Variants in ZPR1 observed in about 807,000 individuals in gnomAD.
ZPR1 encodes the protein ZPR1 zinc finger, also known as zinc finger protein ZPR1.
ZPR1 carries 37 observed loss-of-function variants against 59.6 expected under a neutral mutation model. The observed-to-expected ratio is 0.62, with a 90% confidence interval of 0.48 to 0.82. The LOEUF (loss-of-function observed/expected upper bound fraction) is 0.82. Among genes scored for constraint, ZPR1 ranks in the 40% least tolerant of loss-of-function variants. The pLI, the probability that ZPR1 is intolerant of heterozygous loss-of-function variation, is 0.00. For synonymous variants in ZPR1, 191 were observed against 215.2 expected (o/e 0.89, Z 0.99); for missense variants, 527 against 579.9 (o/e 0.91, Z 0.94).
chr11:116,784,916 G>T lies in ZPR1; in HGVS notation c.759C>A (p.Leu253=), dbSNP rs776392832. ...ATTCTGGGCAGTTTGTGCTGAACTG[G>T]AGCACCTGGAACACAACATGAGGAC... ...PEEEDLRNEV[L]QFSTNCPECN... Residue 253 remains leucine (L), a synonymous_variant, in exon 8 of 14, where the codon CTC becomes CTA. Transcript: ENST00000227322. 1.2e-6 allele frequency: 2 copies of T among 1,614,172 alleles called. No homozygotes were observed. The highest frequency in any genetic ancestry group is 1.7e-6 in the Non-Finnish European group (2 of 1,180,028).
intron 13 of ZPR1, 125 bp from the exon 14 acceptor site, chr11:116,779,184 A>G: frequency 7.4e-7 from 1 of 1,344,264 alleles, no homozygotes; most frequent in Non-Finnish European, 1.0e-6. Flanking sequence ...TTGGCCTCCA[A>G]TTTCCCATGG....
At chr11:116,784,501 G>T in intron 8 of ZPR1, 53 bp from the exon 9 acceptor site, 1 of 1,553,926 alleles carries the variant, frequency 6.4e-7, no homozygotes, top group Non-Finnish European at 8.9e-7. Context: ...ACCACCATCT[G>T]GGGAAAAACA....
intron 12 of ZPR1, 38 bp from the exon 13 acceptor site, chr11:116,779,875 T>C: frequency 1.0e-6 from 1 of 1,004,922 alleles, no homozygotes; most frequent in Non-Finnish European, 1.4e-6. Flanking sequence ...AAATTTTACA[T>C]AACCCCTGGT....
At position 116,787,661 on chromosome 11, in the gene ZPR1, A is replaced by T; in HGVS notation, c.172-18T>A. On this transcript the variant is annotated intron_variant, in intron 1 of 13. Transcript: ENST00000227322. The stretch of plus-strand genomic sequence containing the variant: ...GTCATGCCCTGGTGAAGTAGAAAGT[A>T]GCTAAGGAAAAAAATCAATGAAACT... The T allele has an allele frequency of 1.9e-6, 3 of 1,601,030 alleles. No homozygotes were observed. The highest frequency in any genetic ancestry group is 2.6e-6 in the Non-Finnish European group (3 of 1,169,778).
At chr11:116,785,010 A>C in intron 7 of ZPR1, 89 bp from the exon 8 acceptor site, 1 of 1,605,998 alleles carries the variant, frequency 6.2e-7, no homozygotes, top group Non-Finnish European at 8.5e-7. Context: ...GTGGTCATCT[A>C]TGTTGGTGAC....
At chr11:116,784,286 GC>G in intron 9 of ZPR1, 91 bp downstream of exon 9, 1 of 1,338,242 alleles carries the variant, frequency 7.5e-7, no homozygotes, top group Non-Finnish European at 1.1e-6. Flanking sequence ...TACACCCCCT[GC>G]CCCCGAGTAC....
At position 116,777,294 on chromosome 11, in the gene ZPR1, G is replaced by A. The variant is rs376455257; in HGVS notation, c.*1631C>T. 10 of 152,364 alleles carry A rather than the reference G, an allele frequency of 6.6e-5. No homozygotes were observed. In the East Asian group the frequency reaches 1.9e-3, roughly 29 times the overall value. 9.4% of individuals were successfully genotyped at this position (152,364 alleles called of 1,614,324 possible). ...AAGTGGAAAATCACTTGTGACCTTTGAGAGTAGTTTAACAGAGCAACGAGA... is the reference window on the plus strand; with the variant it reads ...AAGTGGAAAATCACTTGTGACCTTTAAGAGTAGTTTAACAGAGCAACGAGA... On this transcript the variant is annotated 3_prime_UTR_variant, in exon 14 of 14. Coordinates refer to ENST00000227322, the MANE Select transcript of ZPR1 (RefSeq NM_003904.5).
rs1565321653 is a variant in ZPR1, at chr11:116,784,402, C to T, written c.867G>A (p.Glu289=). The change falls in exon 9 of 14, where the codon GAG becomes GAA. Residue 289 remains glutamate (E), a synonymous_variant. Coordinates refer to ENST00000227322, the MANE Select transcript of ZPR1 (RefSeq NM_003904.5). ...KEVIIMATNC[E]NCGHRTNEVK... ...CCTCATTGGTCCGATGCCCACAGTTCTCGCAGTTGGTAGCCATGATGATAA... is the reference window on the plus strand; with the variant it reads ...CCTCATTGGTCCGATGCCCACAGTTTTCGCAGTTGGTAGCCATGATGATAA... 15 of 1,614,174 alleles carry T rather than the reference C, an allele frequency of 9.3e-6. No individual in the cohort carries two copies. The highest frequency in any genetic ancestry group is 1.3e-5 in the Non-Finnish European group (15 of 1,180,034).
Position 116,775,627 on chromosome 11 carries a change from CAAAAAAAAAAAAAAAA to C in ZPR1, c.*3282_*3297del, listed in dbSNP as rs36148817. The C allele has an allele frequency of 1.3e-4, 10 of 74,632 alleles. No individual in the cohort carries two copies. The East Asian group carries it at 2.9e-3, about 22-fold the overall frequency. The allele number at this position is 74,632 out of a possible 1,614,324, so 4.6% of individuals were successfully genotyped here. ...TGGGCAACAGAGTGAGACTCCGTCTCAAAAAAAAAAAAAAAAAAAAAAAAAAAAAAAAAAAGCTCTG... is the reference window on the plus strand; with the variant it reads ...TGGGCAACAGAGTGAGACTCCGTCTCAAAAAAAAAAAAAAAAAAAGCTCTG... On this transcript the variant is annotated 3_prime_UTR_variant, in exon 14 of 14. Coordinates refer to ENST00000227322, the MANE Select transcript of ZPR1 (RefSeq NM_003904.5).
chr11:116,783,282 G>A (rs971744111), intron 10 of ZPR1, among the ~76,000 whole-genome samples: 2 of 152,210 alleles, frequency 1.3e-5, no homozygotes, highest in Admixed American at 6.5e-5. Context: ...GACAGACAGA[G>A]AAGAGGACCC....
Position 116,783,524 on chromosome 11 carries a change from T to A in ZPR1, c.981+6A>T. ...ACAACAGTGACTTTCCCAAGCAGAC[T>A]GTTACCTTGAGGAGGTCTCTGGTCA... On this transcript the variant is annotated splice_donor_region_variant and intron_variant, in intron 10 of 13. Transcript: ENST00000227322. The A allele has an allele frequency of 6.2e-7, 1 of 1,612,226 alleles. No individual in the cohort carries two copies. The highest frequency in any genetic ancestry group is 8.5e-7 in the Non-Finnish European group (1 of 1,178,212).
rs766096636 is a variant in ZPR1, at chr11:116,786,551, C to T, written c.455G>A (p.Arg152His). The T allele has an allele frequency of 1.2e-5, 19 of 1,614,044 alleles. No homozygotes were observed. Among genetic ancestry groups the T allele is most frequent in the Admixed American group, 1.0e-4 (6 of 60,008 alleles). The change falls in exon 4 of 14, where the codon CGT (arginine) becomes CAT (histidine). Residue 152 changes from arginine (R) to histidine (H), a missense_variant. By Grantham distance (29) the Arg-to-His change is conservative. Coordinates refer to ENST00000227322, the MANE Select transcript of ZPR1 (RefSeq NM_003904.5). ...GTCCTGCTCCAGGCCAGAGATAGCA[C>T]GGGTGATCAATCCTTCAACAGTGGT... is the stretch of plus-strand genomic sequence containing the variant. Reference protein sequence around the residue: ...ALTTVEGLITRAISGLEQDQP... With the variant: ...ALTTVEGLITHAISGLEQDQP...
rs1470351255 is a variant in ZPR1 at position 116,781,222 on chromosome 11, A to C, written c.1179+936T>G. Among the ~76,000 whole-genome samples, 52 of 152,262 alleles carry C rather than the reference A, an allele frequency of 3.4e-4. 1 individual carries two copies. Among genetic ancestry groups the C allele is most frequent in the Non-Finnish European group, 1.5e-5 (1 of 68,026 alleles). ...GTTTTCAGAAAGAACAGAAAAAAAA[A>C]ATCAGAAAAAAGATAATCTTCAATA... On this transcript the variant is annotated intron_variant, in intron 12 of 13. Transcript: ENST00000227322.
intron 7 of ZPR1, 40 bp from the exon 8 acceptor site, chr11:116,784,961 AT>A: frequency 6.2e-7 from 1 of 1,612,636 alleles, no homozygotes; most frequent in Non-Finnish European, 8.5e-7. Context: ...GCCCTCCCAG[AT>A]GGGATGTTCA....
Position 116,777,849 on chromosome 11 carries a change from CAG to C in ZPR1, c.*1074_*1075del, listed in dbSNP as rs914086301. ...GCTGGGAAGTCCAGGGCCCAAGCAG[CAG>C]AGTGTTCACTGGTCCTTAACTTTCA... On this transcript the variant is annotated 3_prime_UTR_variant, in exon 14 of 14. Coordinates refer to ENST00000227322, the MANE Select transcript of ZPR1 (RefSeq NM_003904.5). 2 of 152,196 alleles carry C rather than the reference CAG, an allele frequency of 1.3e-5. No homozygotes were observed. The highest frequency in any genetic ancestry group is 4.8e-5 in the African/African-American group (2 of 41,444). 9.4% of individuals were successfully genotyped at this position (152,196 alleles called of 1,614,324 possible).
At chr11:116,784,352 C>T (rs1430393786) in intron 9 of ZPR1, 26 bp downstream of exon 9, 1 of 1,612,724 alleles carries the variant, frequency 6.2e-7, no homozygotes, top group East Asian at 2.2e-5. Flanking sequence ...AGCTAGTCTT[C>T]TTCCCAAATA....
Position 116,779,822 on chromosome 11 carries a change from T to A in ZPR1, c.1195A>T (p.Met399Leu), listed in dbSNP as rs973483931. 1.3e-6 allele frequency: 2 copies of A among 1,599,024 alleles called. No homozygotes were observed. The highest frequency in any genetic ancestry group is 1.7e-6 in the Non-Finnish European group (2 of 1,172,710). ...TCATCCATAATAAAGTGGGCCTTCATGTTACCTTCGATGATCTAAAGGAGA... is the reference window on the plus strand; with the variant it reads ...TCATCCATAATAAAGTGGGCCTTCAAGTTACCTTCGATGATCTAAAGGAGA... ...QKMDQIIEGN[M>L]KAHFIMDDPA... is the part of the protein sequence containing the mutation. Residue 399 changes from methionine to leucine, a missense_variant, in exon 13 of 14, where the codon ATG (methionine) becomes TTG (leucine). Coordinates refer to ENST00000227322, the MANE Select transcript of ZPR1 (RefSeq NM_003904.5).
rs1174446533 is a variant in ZPR1 at position 116,779,010 on chromosome 11, T to C, written c.1295A>G (p.Lys432Arg). The change falls in exon 14 of 14, where the codon AAG (lysine) becomes AGG (arginine). Residue 432 changes from lysine to arginine, a missense_variant. By Grantham distance (26) the Lys-to-Arg change is conservative (BLOSUM62 2). Transcript: ENST00000227322. ...CTCCTCATTTTGGTCAAAGGTGCGC[T>C]TGTAACGCTCCACCTTCATCTCAGG... ...DDPEMKVERY[K>R]RTFDQNEELG... 2.5e-6 allele frequency: 4 copies of C among 1,614,230 alleles called. No homozygotes were observed. The East Asian group carries it at 6.7e-5, about 27-fold the overall frequency.
intron 3 of ZPR1, 141 bp downstream of exon 3, chr11:116,786,828 G>T: frequency 1.3e-6 from 1 of 772,610 alleles, no homozygotes; most frequent in Non-Finnish European, 2.2e-6. Context: ...TTCCACTCAT[G>T]ATTAACTAAT....
Sources: allele counts gnomAD v4.1 joint callset (sites outside exome capture counted in the v4.1 genomes callset), GRCh38; gene constraint gnomAD v4.1.1; transcripts MANE v1.5; gene names NCBI Gene and HGNC (gene_info 2026-07-23, HGNC 2026-07-21).